The following INAVA variants were observed in gnomAD, a reference collection of about 807,000 sequenced individuals.
The protein encoded by INAVA is innate immunity activator protein.
In INAVA, 32 loss-of-function variants were observed where a neutral mutation model predicts 55.3. The observed-to-expected ratio is 0.58, with a 90% CI of 0.44 to 0.78. The LOEUF is 0.78. Ranked by LOEUF, INAVA falls within the 30% of genes least tolerant of loss-of-function variation. INAVA has a pLI of 0.00. For missense variants in INAVA, 756 were observed against 786.4 expected (o/e 0.96, Z 0.46); for synonymous variants, 294 against 329.4 (o/e 0.89, Z 1.16).
At chr1:200,896,897 GACAGAA>G (rs1668364420) in intron 1 of INAVA, among the ~76,000 whole-genome samples, 1 of 152,274 alleles carries the variant, frequency 6.6e-6, no homozygotes, top group African/African-American at 2.4e-5. Flanking sequence ...ATAGGCTCCA[GACAGAA>G]ACTCGGAAGG....
intron 4 of INAVA, 151 bp downstream of exon 4, chr1:200,900,371 A>C (rs1653192743): frequency 6.0e-6 from 4 of 672,082 alleles, no homozygotes; most frequent in Non-Finnish European, 1.0e-5. Context: ...AGACACCATG[A>C]ATATGTAGCC....
chr1:200,906,544 A>C (rs898759103), intron 5 of INAVA: 7 of 151,554 alleles, frequency 4.6e-5, no homozygotes, highest in African/African-American at 1.5e-4. Flanking sequence ...AAAAATCTGA[A>C]GGCTTAAGTT....
chr1:200,902,059 G>C (rs767784414), intron 5 of INAVA, among the ~76,000 whole-genome samples: 42 of 152,130 alleles, frequency 2.8e-4, no homozygotes, highest in Non-Finnish European at 5.7e-4. Context: ...CTCTCACATG[G>C]GACCCAGACC....
At position 200,898,390 on chromosome 1, in the gene INAVA, A is replaced by C. The variant is rs746521592; in HGVS notation, c.-11A>C. On this transcript the variant is annotated 5_prime_UTR_variant, in exon 2 of 10. Coordinates refer to ENST00000413687, the MANE Select transcript of INAVA (RefSeq NM_001142569.3). ...TCCCTGCTCTGTGCCCTCTCCTTCC[A>C]GAAATCCACCATGGAGAGTAAGGAT... 4 of 1,613,972 alleles carry C rather than the reference A, an allele frequency of 2.5e-6. No homozygotes were observed. The highest frequency in any genetic ancestry group is 3.4e-6 in the Non-Finnish European group (4 of 1,180,018).
At chr1:200,910,453 C>T (rs1557969310) in intron 8 of INAVA, among the ~76,000 whole-genome samples, 3 of 152,342 alleles carry the variant, frequency 2.0e-5, no homozygotes, top group South Asian at 4.1e-4. Context: ...ATTGGCCATA[C>T]CATATGGGGA....
intron 5 of INAVA, among the ~76,000 whole-genome samples, chr1:200,904,031 A>G (rs56354006): frequency 0.31 from 47,116 of 151,758 alleles, 7,544 homozygotes; most frequent in Admixed American, 0.39. Context: ...GCAATGTAAT[A>G]GGCACTCTGG....
intron 8 of INAVA, among the ~76,000 whole-genome samples, chr1:200,909,774 G>A (rs1034016319): frequency 3.9e-5 from 6 of 152,314 alleles, no homozygotes; most frequent in African/African-American, 1.4e-4. Context: ...GTTCTATAAA[G>A]TAAAATTGAC....
chr1:200,898,058 C>G (rs1571859986), intron 1 of INAVA, among the ~76,000 whole-genome samples: 1 of 152,198 alleles, frequency 6.6e-6, no homozygotes, highest in Non-Finnish European at 1.5e-5. Flanking sequence ...CCCCTTAGGC[C>G]TAGAGGACTT....
chr1:200,897,773 G>T (rs936170336), intron 1 of INAVA, among the ~76,000 whole-genome samples: 2 of 152,104 alleles, frequency 1.3e-5, no homozygotes, highest in African/African-American at 4.8e-5. Context: ...GGGACTACAG[G>T]TGCACACCAC....
chr1:200,904,510 T>C (rs1043053790), intron 5 of INAVA, among the ~76,000 whole-genome samples: 12 of 152,198 alleles, frequency 7.9e-5, no homozygotes, highest in African/African-American at 2.7e-4. Flanking sequence ...GAACTGACTT[T>C]ATTTAGTTTT....
At chr1:200,901,945 G>A (rs1363229628) in intron 5 of INAVA, among the ~76,000 whole-genome samples, 1 of 152,164 alleles carries the variant, frequency 6.6e-6, no homozygotes, top group African/African-American at 2.4e-5. Context: ...AGGTGTGACT[G>A]TTTTCCTTTG....
chr1:200,899,342 G>A, intron 2 of INAVA, 131 bp from the exon 3 acceptor site: 1 of 1,336,336 alleles, frequency 7.5e-7, no homozygotes, highest in South Asian at 1.4e-5. Flanking sequence ...CCTGCAATTT[G>A]TGGGCAGGCA....
At chr1:200,896,055 G>GA (rs1361751520) in intron 1 of INAVA, among the ~76,000 whole-genome samples, 1 of 152,126 alleles carries the variant, frequency 6.6e-6, no homozygotes, top group African/African-American at 2.4e-5. Flanking sequence ...GGGAGAAGGG[G>GA]AAGCTGGCGG....
intron 1 of INAVA, among the ~76,000 whole-genome samples, chr1:200,896,153 G>A (rs1426746346): frequency 6.6e-6 from 1 of 152,174 alleles, no homozygotes; most frequent in Non-Finnish European, 1.5e-5. Context: ...AGCAGGGGCT[G>A]AGTTGGCCCA....
chr1:200,911,515 C>T lies in INAVA; in HGVS notation c.1022C>T (p.Pro341Leu). ...RGRSAFPRRR[P>L]THYTVTVPDS... ...CGCAGCGCCTTTCCCCGCCGCCGCC[C>T]CACTCACTACACGGTGACAGTGCCA... Residue 341 changes from proline (P) to leucine (L), a missense_variant, in exon 9 of 10, where the codon CCC becomes CTC. Pro to Leu is a moderately conservative substitution (Grantham distance 98). This residue lies in a region of INAVA where 639 missense variants were observed against 624.3 expected (regional missense o/e 1.02). Transcript: ENST00000413687. The T allele has an allele frequency of 6.2e-7, 1 of 1,613,922 alleles. No homozygotes were observed. Among genetic ancestry groups the T allele is most frequent in the Non-Finnish European group, 8.5e-7 (1 of 1,179,980 alleles).
Position 200,911,484 on chromosome 1 carries a change from C to G in INAVA, c.991C>G (p.Arg331Gly). The G allele has an allele frequency of 6.2e-7, 1 of 1,613,338 alleles. No homozygotes were observed. Among genetic ancestry groups the G allele is most frequent in the Non-Finnish European group, 8.5e-7 (1 of 1,179,668 alleles). The change falls in exon 9 of 10, where the codon CGA (arginine) becomes GGA (glycine). Residue 331 changes from arginine to glycine, a missense_variant. By Grantham distance (125) the Arg-to-Gly change is moderately radical. Around this residue, in one of 2 missense-constraint regions of INAVA, gnomAD observed 639 missense variants for 624.3 expected, o/e 1.02. Transcript: ENST00000413687. ...VDSFRAGPEG[R>G]GRSAFPRRRP... is the part of the protein sequence containing the mutation. ...TTCCTTCCGGGCGGGTCCTGAGGGC[C>G]GAGGTCGCAGCGCCTTTCCCCGCCG...
intron 5 of INAVA, among the ~76,000 whole-genome samples, chr1:200,902,077 C>T (rs1653284674): frequency 6.6e-6 from 1 of 152,202 alleles, no homozygotes; most frequent in Non-Finnish European, 1.5e-5. Flanking sequence ...ACCTCCCTGG[C>T]TGCCTCAGAG....
At position 200,900,100 on chromosome 1, in the gene INAVA, C is replaced by T. The variant is rs1467645949; in HGVS notation, c.181-4C>T. 14 of 1,609,100 alleles carry T rather than the reference C, an allele frequency of 8.7e-6. No homozygotes were observed. The Admixed American group carries it at 2.2e-4, about 25-fold the overall frequency. ...GACCTGGCTGGTCTCTGCTTCCTCC[C>T]CAGGAGCTGACGGGCACCTTGCCAG... On this transcript the variant is annotated splice_region_variant and splice_polypyrimidine_tract_variant and intron_variant, in intron 3 of 9. Transcript: ENST00000413687.
upstream of INAVA, among the ~76,000 whole-genome samples, chr1:200,892,032 T>C (rs1366824680): frequency 1.3e-5 from 2 of 152,048 alleles, no homozygotes; most frequent in African/African-American, 4.8e-5. Context: ...AAAGGGGCTT[T>C]TTAGAGAAAG....
Sources: allele counts gnomAD v4.1 joint callset (sites outside exome capture counted in the v4.1 genomes callset), GRCh38; gene constraint gnomAD v4.1.1; regional missense constraint gnomAD v4.1.1; transcripts MANE v1.5; gene names NCBI Gene and HGNC (gene_info 2026-07-23, HGNC 2026-07-21).